The following PPP4R3B variants were observed in gnomAD, a reference collection of about 807,000 sequenced individuals.
The protein encoded by PPP4R3B is protein phosphatase 4 regulatory subunit 3B, also known as serine/threonine-protein phosphatase 4 regulatory subunit 3B.
Under a neutral mutation model 95.4 loss-of-function variants are expected in PPP4R3B, and 52 were observed. That is an observed-to-expected ratio of 0.54 (90% CI 0.44 to 0.69). The LOEUF is 0.69. Among genes scored for constraint, PPP4R3B ranks in the 30% least tolerant of loss-of-function variants. PPP4R3B has a pLI of 0.00. For synonymous variants in PPP4R3B, 407 were observed against 343.9 expected, an observed-to-expected ratio of 1.18 and a Z score of -2.03; for missense variants, 1,003 against 1,005.9, an observed-to-expected ratio of 1.00 and a Z score of 0.04.
rs559766424 is a variant in PPP4R3B, at chr2:55,576,558, C to T, written c.1606+757G>A. On this transcript the variant is annotated intron_variant, in intron 11 of 16. Coordinates refer to ENST00000616407, the MANE Select transcript of PPP4R3B (RefSeq NM_001122964.3). Reference sequence around the variant, plus strand: ...GAGATCGAGACCACCCTGGCTAACACGGTGAAACTCCGCCTCTACTAAAAA... The same window carrying T: ...GAGATCGAGACCACCCTGGCTAACATGGTGAAACTCCGCCTCTACTAAAAA... Among the ~76,000 whole-genome samples, 256 of 151,832 alleles carry T rather than the reference C, an allele frequency of 1.7e-3. 2 individuals carry two copies. The Middle Eastern group carries it at 0.024, about 14-fold the overall frequency.
At chr2:55,599,501 T>C (rs953031559) in intron 3 of PPP4R3B, among the ~76,000 whole-genome samples, 11 of 152,206 alleles carry the variant, frequency 7.2e-5, no homozygotes, top group African/African-American at 2.4e-4. Context: ...CTCTTCCAGC[T>C]TGGTCCCTGA....
intron 7 of PPP4R3B, among the ~76,000 whole-genome samples, chr2:55,583,095 A>C (rs1288966807): frequency 2.0e-5 from 3 of 152,144 alleles, no homozygotes; most frequent in African/African-American, 4.8e-5. Context: ...TACCAAAAGG[A>C]AATGTTTGAA....
At chr2:55,555,418 T>A (rs935086367) in intron 16 of PPP4R3B, among the ~76,000 whole-genome samples, 1 of 151,550 alleles carries the variant, frequency 6.6e-6, no homozygotes, top group Non-Finnish European at 1.5e-5. Flanking sequence ...AAGTTTCCAA[T>A]ATGAAAGAAA....
chr2:55,575,796 A>T (rs574782107), intron 11 of PPP4R3B, among the ~76,000 whole-genome samples: 100 of 152,330 alleles, frequency 6.6e-4, no homozygotes, highest in Middle Eastern at 3.4e-3. Context: ...CGGAATTTTT[A>T]AAAAAATGAC....
At chr2:55,560,583 C>T (rs1411036646) in intron 15 of PPP4R3B, among the ~76,000 whole-genome samples, 1 of 151,908 alleles carries the variant, frequency 6.6e-6, no homozygotes, top group Non-Finnish European at 1.5e-5. Context: ...TGGAGACCAG[C>T]CTGGCCAACA....
chr2:55,600,917 G>A lies in PPP4R3B; in HGVS notation c.298-1878C>T, dbSNP rs560525494. ...CTCATGCCTGTAATCCCAGCACTTT[G>A]GGACGCTGAGGCAGGCAGATCACGA... On this transcript the variant is annotated intron_variant, in intron 3 of 16. Transcript: ENST00000616407. Among the ~76,000 whole-genome samples, 134 of 152,266 alleles carry A rather than the reference G, an allele frequency of 8.8e-4. 1 individual carries two copies. The highest frequency in any genetic ancestry group is 1.7e-3 in the South Asian group (8 of 4,824).
intron 10 of PPP4R3B, 52 bp from the exon 11 acceptor site, chr2:55,577,408 G>C (rs1365458986): frequency 1.5e-6 from 2 of 1,362,684 alleles, no homozygotes; most frequent in Non-Finnish European, 1.9e-6. Context: ...TAATATCCCA[G>C]ATTTCCCTAG....
intron 12 of PPP4R3B, among the ~76,000 whole-genome samples, chr2:55,572,252 A>G (rs1262891843): frequency 1.3e-5 from 2 of 152,214 alleles, no homozygotes; most frequent in Admixed American, 6.5e-5. Context: ...AAAAAACCCA[A>G]AAGTCATAAA....
chr2:55,579,733 G>C lies in PPP4R3B; in HGVS notation c.1414C>G (p.His472Asp). 6.2e-7 allele frequency: 1 copy of C among 1,606,820 alleles called. No homozygotes were observed. Among genetic ancestry groups the C allele is most frequent in the South Asian group, 1.1e-5 (1 of 89,680 alleles). The change falls in exon 9 of 17, where the codon CAT (histidine) becomes GAT (aspartate). Residue 472 changes from histidine (H) to aspartate (D), a missense_variant. By Grantham distance (81) the His-to-Asp change is moderately conservative (BLOSUM62 -1). Coordinates refer to ENST00000616407, the MANE Select transcript of PPP4R3B (RefSeq NM_001122964.3). ...FLNFFYNHCMHVLTAPLLTNT... is the reference protein window; with the variant it reads ...FLNFFYNHCMDVLTAPLLTNT... ...GTCAAAAGTGGTGCTGTGAGAACAT[G>C]CATACAATGGTTGTAGAAAAAATTT...
At chr2:55,600,713 T>C (rs1162353713) in intron 3 of PPP4R3B, among the ~76,000 whole-genome samples, 1 of 150,708 alleles carries the variant, frequency 6.6e-6, no homozygotes, top group East Asian at 2.0e-4. Context: ...CTATCTAATA[T>C]CCCTTCCAAA....
intron 12 of PPP4R3B, among the ~76,000 whole-genome samples, chr2:55,572,397 C>T (rs976743885): frequency 6.6e-6 from 1 of 152,090 alleles, no homozygotes; most frequent in Non-Finnish European, 1.5e-5. Context: ...TTGTTAATAT[C>T]TCTAATATAC....
In PPP4R3B at chr2:55,583,525, T is replaced by G. The variant is rs116063241; in HGVS notation, c.1233+1526A>C. Among the ~76,000 whole-genome samples, 143 of 152,326 alleles carry G rather than the reference T, an allele frequency of 9.4e-4. 1 individual carries two copies. The Middle Eastern group carries it at 0.01, about 11-fold the overall frequency. ...TCTGAAAGTTAACAGTTTACTAAGA[T>G]CATGGTCTGAGATTGATTCATGGTC... On this transcript the variant is annotated intron_variant, in intron 7 of 16. Transcript: ENST00000616407.
chr2:55,570,396 A>G (rs189207725), intron 12 of PPP4R3B, among the ~76,000 whole-genome samples: 62 of 152,364 alleles, frequency 4.1e-4, no homozygotes, highest in African/African-American at 1.5e-3. Context: ...AAACAGAGTA[A>G]TGAATAAGAA....
intron 1 of PPP4R3B, among the ~76,000 whole-genome samples, chr2:55,615,855 T>TC: frequency 3.3e-5 from 1 of 30,306 alleles, no homozygotes; most frequent in Non-Finnish European, 5.1e-5. Context: ...AGACTCTGTC[T>TC]CCAAAAAAAA....
At chr2:55,579,462 A>G (rs1255763601) in intron 9 of PPP4R3B, among the ~76,000 whole-genome samples, 4 of 151,882 alleles carry the variant, frequency 2.6e-5, no homozygotes, top group Non-Finnish European at 5.9e-5. Flanking sequence ...GCAACAAACT[A>G]TAGAAATGGC....
In PPP4R3B at chr2:55,584,918, T is replaced by C. The variant is rs1402585331; in HGVS notation, c.1233+133A>G. On this transcript the variant is annotated intron_variant, in intron 7 of 16. Transcript: ENST00000616407. The stretch of plus-strand genomic sequence containing the variant: ...GCCACATATTCTAATTTGGCCAAAG[T>C]CACAACAAGTCAGAAATCTATTATT... 4 of 730,738 alleles carry C rather than the reference T, an allele frequency of 5.5e-6. No individual in the cohort carries two copies. In the African/African-American group the frequency reaches 7.5e-5, roughly 14 times the overall value. 45.3% of individuals were successfully genotyped at this position (730,738 alleles called of 1,614,324 possible). A position where few individuals can be genotyped will look rare whatever the true frequency, so the allele number is the denominator to read the frequency against.
intron 2 of PPP4R3B, among the ~76,000 whole-genome samples, chr2:55,611,208 T>C (rs533236317): frequency 6.6e-6 from 1 of 152,192 alleles, no homozygotes; most frequent in African/African-American, 2.4e-5. Flanking sequence ...TGGGGTGCAA[T>C]GGCTACGCAC....
Position 55,581,594 on chromosome 2 carries a change from A to G in PPP4R3B, c.1338T>C (p.Asp446=). 1.9e-6 allele frequency: 3 copies of G among 1,613,390 alleles called. No individual in the cohort carries two copies. Among genetic ancestry groups the G allele is most frequent in the South Asian group, 2.2e-5 (2 of 90,996 alleles). ...TAGTTGTAGCCAGCATGTTCTCTGGATCAATTAGAGTACGAAGAAGTCCCA... is the reference window on the plus strand; with the variant it reads ...TAGTTGTAGCCAGCATGTTCTCTGGGTCAATTAGAGTACGAAGAAGTCCCA... The part of the protein sequence containing the change: ...QLMGLLRTLI[D]PENMLATTNK... The change falls in exon 8 of 17, where the codon GAT becomes GAC. Residue 446 remains aspartate (D), a synonymous_variant. Transcript: ENST00000616407.
chr2:55,611,829 A>T (rs905948188), intron 2 of PPP4R3B, among the ~76,000 whole-genome samples: 28 of 152,214 alleles, frequency 1.8e-4, no homozygotes, highest in African/African-American at 6.5e-4. Flanking sequence ...CCGAAGCTCA[A>T]ATGATCCTCC....
Sources: allele counts gnomAD v4.1 joint callset (sites outside exome capture counted in the v4.1 genomes callset), GRCh38; gene constraint gnomAD v4.1.1; transcripts MANE v1.5; gene names NCBI Gene and HGNC (gene_info 2026-07-23, HGNC 2026-07-21).